The following GABRG3 variants were observed in gnomAD, a reference collection of about 807,000 sequenced individuals.
The protein encoded by GABRG3 is gamma-aminobutyric acid type A receptor subunit gamma3.
GABRG3 carries 25 observed loss-of-function variants against 48.8 expected under a neutral mutation model. The observed-to-expected ratio is 0.51, with a 90% CI of 0.37 to 0.72. The LOEUF is 0.72. Among genes scored for constraint, GABRG3 ranks in the 30% least tolerant of loss-of-function variants. The pLI is 0.00. For missense variants in GABRG3, 394 were observed against 577.9 expected, an observed-to-expected ratio of 0.68 and a Z score of 3.26; for synonymous variants, 227 against 217.6, an observed-to-expected ratio of 1.04 and a Z score of -0.38.
At position 27,322,878 on chromosome 15, in the gene GABRG3, C is replaced by G. The variant is rs1393626825; in HGVS notation, c.271-3931C>G. Among the ~76,000 whole-genome samples the G allele has an allele frequency of 3.9e-5, 6 of 152,120 alleles. 1 individual carries two copies. Among genetic ancestry groups the G allele is most frequent in the Non-Finnish European group, 8.8e-5 (6 of 68,028 alleles). On this transcript the variant is annotated intron_variant, in intron 3 of 9. Coordinates refer to ENST00000615808, the MANE Select transcript of GABRG3 (RefSeq NM_033223.5). ...TGACTGGATGAAGGTTACTCAATGT[C>G]TTAGGCCTCAGTTTACCCTTGGAAG...
chr15:27,141,477 A>G (rs1280708095), intron 3 of GABRG3, among the ~76,000 whole-genome samples: 2 of 152,154 alleles, frequency 1.3e-5, no homozygotes, highest in Admixed American at 6.5e-5. Flanking sequence ...ACTCAGGTCT[A>G]TTGCATCTTC....
At chr15:27,408,969 G>A (rs1358705780) in intron 5 of GABRG3, among the ~76,000 whole-genome samples, 1 of 151,994 alleles carries the variant, frequency 6.6e-6, no homozygotes, top group African/African-American at 2.4e-5. Flanking sequence ...AATGTTTAAA[G>A]TATTAAGCCA....
intron 3 of GABRG3, among the ~76,000 whole-genome samples, chr15:27,211,277 A>G (rs1232886431): frequency 6.6e-6 from 1 of 152,216 alleles, no homozygotes; most frequent in African/African-American, 2.4e-5. Context: ...TTAATAACCT[A>G]CAAAACATTA....
chr15:27,218,690 A>G (rs1030312982), intron 3 of GABRG3, among the ~76,000 whole-genome samples: 1 of 152,142 alleles, frequency 6.6e-6, no homozygotes, highest in Non-Finnish European at 1.5e-5. Context: ...CCTACCCTCA[A>G]TGCAAATCTT....
chr15:27,042,766 C>T (rs1228875481), intron 3 of GABRG3, among the ~76,000 whole-genome samples: 1 of 152,240 alleles, frequency 6.6e-6, no homozygotes, highest in Non-Finnish European at 1.5e-5. Flanking sequence ...GCTCAGCCAC[C>T]TGGATGACTC....
At chr15:27,143,855 T>A (rs1395855800) in intron 3 of GABRG3, among the ~76,000 whole-genome samples, 3 of 152,210 alleles carry the variant, frequency 2.0e-5, no homozygotes, top group Non-Finnish European at 4.4e-5. Context: ...TTCATAAATT[T>A]GTTGACCGTG....
intron 3 of GABRG3, among the ~76,000 whole-genome samples, chr15:27,158,839 G>A (rs766817076): frequency 6.6e-6 from 1 of 152,066 alleles, no homozygotes; most frequent in African/African-American, 2.4e-5. Context: ...TTTTCGTATG[G>A]CAAATTACCA....
At chr15:27,106,121 T>G (rs984143425) in intron 3 of GABRG3, among the ~76,000 whole-genome samples, 4 of 152,006 alleles carry the variant, frequency 2.6e-5, no homozygotes, top group African/African-American at 9.7e-5. Context: ...TTACCAGCGG[T>G]GGGTCCTGAG....
At chr15:27,053,621 A>G (rs1180960005) in intron 3 of GABRG3, among the ~76,000 whole-genome samples, 1 of 152,236 alleles carries the variant, frequency 6.6e-6, no homozygotes, top group Non-Finnish European at 1.5e-5. Flanking sequence ...CCCATTACCT[A>G]GTATATACCC....
At chr15:27,218,811 A>G (rs1891578055) in intron 3 of GABRG3, among the ~76,000 whole-genome samples, 1 of 152,190 alleles carries the variant, frequency 6.6e-6, no homozygotes, top group Admixed American at 6.5e-5. Flanking sequence ...GACCGTGGCC[A>G]GGTCACCTTC....
chr15:27,141,891 C>T (rs991837002), intron 3 of GABRG3, among the ~76,000 whole-genome samples: 11 of 152,112 alleles, frequency 7.2e-5, no homozygotes, highest in Admixed American at 3.3e-4. Context: ...TGTGTGCTCA[C>T]CCATCTCTCA....
chr15:27,444,399 T>C (rs960569591), intron 5 of GABRG3, among the ~76,000 whole-genome samples: 12 of 152,210 alleles, frequency 7.9e-5, no homozygotes, highest in African/African-American at 2.7e-4. Flanking sequence ...TTAAATATTA[T>C]TTATTTTCTC....
rs1173194368 is a variant in GABRG3, at chr15:27,532,823, T to TC, written c.1350dup (p.Thr451HisfsTer7). 6.2e-7 allele frequency: 1 copy of TC among 1,613,994 alleles called. No individual in the cohort carries two copies. On this transcript the variant is annotated frameshift_variant, in exon 10 of 10. Coordinates refer to ENST00000615808, the MANE Select transcript of GABRG3 (RefSeq NM_033223.5). LOFTEE classifies it high-confidence loss of function. The stretch of plus-strand genomic sequence containing the variant: ...CTGGACTCGTACTCCCGGGTCTTTT[T>TC]CCCCACGTCCTTCCTGCTCTTTAAC...
chr15:27,246,194 G>A (rs1474905748), intron 3 of GABRG3, among the ~76,000 whole-genome samples: 2 of 152,050 alleles, frequency 1.3e-5, no homozygotes, highest in African/African-American at 2.4e-5. Flanking sequence ...AACCATATTC[G>A]ATCTCCAGGA....
chr15:26,971,499 G>T lies in GABRG3; in HGVS notation c.-37G>T. On this transcript the variant is annotated 5_prime_UTR_variant, in exon 1 of 10. Coordinates refer to ENST00000615808, the MANE Select transcript of GABRG3 (RefSeq NM_033223.5). ...GCGCCGGAGGAAGCCGCGCCCGGCCGAGGCCCCGGACCCTGCGCCCCGAGC... is the reference window on the plus strand; with the variant it reads ...GCGCCGGAGGAAGCCGCGCCCGGCCTAGGCCCCGGACCCTGCGCCCCGAGC... 2 of 1,471,090 alleles carry T rather than the reference G, an allele frequency of 1.4e-6. No individual in the cohort carries two copies. The highest frequency in any genetic ancestry group is 1.8e-6 in the Non-Finnish European group (2 of 1,107,200). The allele number at this position is 1,471,090 out of a possible 1,614,324, so 91.1% of individuals were successfully genotyped here.
At chr15:27,517,485 T>C (rs1891051047) in intron 6 of GABRG3, among the ~76,000 whole-genome samples, 1 of 152,176 alleles carries the variant, frequency 6.6e-6, no homozygotes, top group South Asian at 2.1e-4. Flanking sequence ...AGCATAGGCA[T>C]GGGGAGCTCC....
chr15:26,979,912 G>T (rs757559579), intron 2 of GABRG3, among the ~76,000 whole-genome samples: 5 of 152,126 alleles, frequency 3.3e-5, no homozygotes, highest in Non-Finnish European at 7.4e-5. Context: ...ATTATATAAG[G>T]GTTTGTGTTA....
At chr15:26,981,582 T>G (rs1895054966) in intron 2 of GABRG3, among the ~76,000 whole-genome samples, 2 of 152,186 alleles carry the variant, frequency 1.3e-5, no homozygotes, top group South Asian at 4.1e-4. Context: ...GATTGACAAT[T>G]GATAGATTAA....
intron 3 of GABRG3, among the ~76,000 whole-genome samples, chr15:27,056,674 A>G (rs1769223280): frequency 6.6e-6 from 1 of 152,182 alleles, no homozygotes; most frequent in Non-Finnish European, 1.5e-5. Context: ...TGGGAAGTTC[A>G]CAAGACCCCC....
Sources: gnomAD v4.1 joint callset for allele counts (sites outside exome capture counted in the v4.1 genomes callset) on GRCh38, gnomAD v4.1.1 for gene constraint, MANE v1.5 for transcripts, NCBI Gene and HGNC (gene_info 2026-07-23, HGNC 2026-07-21) for gene names.